Variants in GDNF observed in about 807,000 individuals in gnomAD.
The protein encoded by GDNF is glial cell derived neurotrophic factor, also known as glial cell line-derived neurotrophic factor.
Under a neutral mutation model 13.7 loss-of-function variants are expected in GDNF, and 5 were observed. That is an observed-to-expected ratio of 0.36 (90% CI 0.19 to 0.77). GDNF has a LOEUF of 0.77. GDNF is among the 30% of genes least tolerant of loss of function. The pLI, the probability that GDNF is intolerant of heterozygous loss-of-function variation, is 0.51. For missense variants in GDNF, 246 were observed against 274.3 expected, an observed-to-expected ratio of 0.90 and a Z score of 0.73; for synonymous variants, 122 against 112.5, an observed-to-expected ratio of 1.08 and a Z score of -0.53.
At chr5:37,828,836 A>G (rs1448189682) in intron 2 of GDNF, among the ~76,000 whole-genome samples, 1 of 152,238 alleles carries the variant, frequency 6.6e-6, no homozygotes, top group Non-Finnish European at 1.5e-5. Context: ...TTATTTGCAG[A>G]TATTCACTTA....
chr5:37,818,861 C>T (rs1359072608), intron 2 of GDNF, among the ~76,000 whole-genome samples: 1 of 152,166 alleles, frequency 6.6e-6, no homozygotes, highest in Non-Finnish European at 1.5e-5. Flanking sequence ...ATCCACAAGT[C>T]CCACCTGACC....
At chr5:37,832,234 T>C (rs1200361024) in intron 2 of GDNF, among the ~76,000 whole-genome samples, 4 of 152,362 alleles carry the variant, frequency 2.6e-5, no homozygotes, top group Middle Eastern at 6.8e-3. Flanking sequence ...GAATTTATGA[T>C]ACTTTCTATT....
At position 37,837,994 on chromosome 5, in the gene GDNF, GTTTTTTT is replaced by G. The variant is rs75624956; in HGVS notation, c.-27+1506_-27+1512del. 1.6e-5 allele frequency among the ~76,000 whole-genome samples: 2 copies of G among 125,500 alleles called. No homozygotes were observed. Among genetic ancestry groups the G allele is most frequent in the Admixed American group, 8.1e-5 (1 of 12,318 alleles). The allele number at this position is 125,500 out of a possible 152,430, so 82.3% of individuals were successfully genotyped here. A position where few individuals can be genotyped will look rare whatever the true frequency, so the allele number is the denominator to read the frequency against. ...GGGAGACGGGTTTGCTATAAACTCGGTTTTTTTTTTTTTTTTTTTGGCGGGGGGAGGT... is the reference window on the plus strand; with the variant it reads ...GGGAGACGGGTTTGCTATAAACTCGGTTTTTTTTTTTTGGCGGGGGGAGGT... On this transcript the variant is annotated intron_variant, in intron 1 of 2. Transcript: ENST00000326524. The surrounding 1 kb of genome is among the most constrained non-coding windows in gnomAD (Gnocchi z 6.5).
intron 2 of GDNF, among the ~76,000 whole-genome samples, chr5:37,821,097 C>T (rs949782552): frequency 2.0e-5 from 3 of 152,128 alleles, no homozygotes; most frequent in Admixed American, 6.5e-5. Flanking sequence ...TTTATCGATG[C>T]GAGGCACCTG....
At chr5:37,831,738 C>T (rs775789204) in intron 2 of GDNF, among the ~76,000 whole-genome samples, 1 of 152,234 alleles carries the variant, frequency 6.6e-6, no homozygotes, top group African/African-American at 2.4e-5. Flanking sequence ...CTCGAAAATG[C>T]TATGACATTT....
At chr5:37,829,428 T>C (rs1433848514) in intron 2 of GDNF, among the ~76,000 whole-genome samples, 1 of 152,214 alleles carries the variant, frequency 6.6e-6, no homozygotes, top group African/African-American at 2.4e-5. Context: ...GACATATCTA[T>C]CTGACTGACA....
rs1305116929 is a variant in GDNF at position 37,839,632 on chromosome 5, G to T, written c.-152C>A. The T allele has an allele frequency of 2.0e-5, 3 of 152,274 alleles. No individual in the cohort carries two copies. Among genetic ancestry groups the T allele is most frequent in the Admixed American group, 2.0e-4 (3 of 15,290 alleles). 9.4% of individuals were successfully genotyped at this position (152,274 alleles called of 1,614,324 possible). A position where few individuals can be genotyped will look rare whatever the true frequency, so the allele number is the denominator to read the frequency against. ...CCCGCCCAACAGGTCAGGGGCAAGA[G>T]TTCGCAATCCTGGGGTCGCGCGGGG... On this transcript the variant is annotated 5_prime_UTR_variant, in exon 1 of 3. Coordinates refer to ENST00000326524, the MANE Select transcript of GDNF (RefSeq NM_000514.4). The surrounding 1 kb of genome is among the most constrained non-coding windows in gnomAD (Gnocchi z 5.5).
In GDNF at chr5:37,839,582, C is replaced by T. The variant is rs574096655; in HGVS notation, c.-102G>A. ...CCAAGTCCCAGCCAGGAGACCCATC[C>T]GGGCTGATGGCTGGAGCGCGGAGCC... On this transcript the variant is annotated 5_prime_UTR_variant, in exon 1 of 3. Coordinates refer to ENST00000326524, the MANE Select transcript of GDNF (RefSeq NM_000514.4). The surrounding 1 kb of genome is among the most constrained non-coding windows in gnomAD (Gnocchi z 5.5). The T allele has an allele frequency of 2.0e-5, 3 of 152,460 alleles. No individual in the cohort carries two copies. The highest frequency in any genetic ancestry group is 1.3e-4 in the Admixed American group (2 of 15,308). 9.4% of individuals were successfully genotyped at this position (152,460 alleles called of 1,614,324 possible).
chr5:37,819,444 C>CTTTTTTTTTTTTTTTTTTTTTTTTTTT (rs529362873), intron 2 of GDNF, among the ~76,000 whole-genome samples: 1 of 126,208 alleles, frequency 7.9e-6, no homozygotes, highest in Non-Finnish European at 1.6e-5. Flanking sequence ...GTGCTCTTTT[C>CTTTTTTTTTTTTTTTTTTTTTTTTTTT]TTTTTTTTTT....
At chr5:37,827,791 T>C (rs1364184648) in intron 2 of GDNF, among the ~76,000 whole-genome samples, 1 of 152,158 alleles carries the variant, frequency 6.6e-6, no homozygotes, top group East Asian at 1.9e-4. Context: ...ATAAACTACA[T>C]AGGCAGGTGC....
chr5:37,837,966 G>A lies in GDNF; in HGVS notation c.-27+1541C>T, dbSNP rs1243735243. ...AGAGAGAGAAAAAGGAGGCGGTGGG[G>A]CGGGGAGACGGGTTTGCTATAAACT... On this transcript the variant is annotated intron_variant, in intron 1 of 2. Transcript: ENST00000326524. The surrounding 1 kb of genome is among the most constrained non-coding windows in gnomAD (Gnocchi z 6.5). Among the ~76,000 whole-genome samples, 1 of 151,924 alleles carries A rather than the reference G, an allele frequency of 6.6e-6. No individual in the cohort carries two copies. Among genetic ancestry groups the A allele is most frequent in the Non-Finnish European group, 1.5e-5 (1 of 68,022 alleles).
chr5:37,831,589 T>A (rs977813331), intron 2 of GDNF, among the ~76,000 whole-genome samples: 1 of 152,182 alleles, frequency 6.6e-6, no homozygotes, highest in Non-Finnish European at 1.5e-5. Context: ...CCCCTTCCCA[T>A]ATAAAGTACA....
At position 37,839,973 on chromosome 5, in the gene GDNF, C is replaced by A. The variant is rs1750841199; in HGVS notation, c.-493G>T. 1 of 152,426 alleles carries A rather than the reference C, an allele frequency of 6.6e-6. No homozygotes were observed. Among genetic ancestry groups the A allele is most frequent in the African/African-American group, 2.4e-5 (1 of 41,540 alleles). 9.4% of individuals were successfully genotyped at this position (152,426 alleles called of 1,614,324 possible). On this transcript the variant is annotated 5_prime_UTR_variant, in exon 1 of 3. Coordinates refer to ENST00000326524, the MANE Select transcript of GDNF (RefSeq NM_000514.4). This position sits in a 1 kb window ranked among gnomAD's most constrained non-coding sequence, Gnocchi z 5.5. ...GGAGCTGAGGTCTTGCCTGGAGATC[C>A]GAACGAGACACCACGTCAACCGGCG...
intron 2 of GDNF, among the ~76,000 whole-genome samples, chr5:37,827,957 C>CA (rs912877660): frequency 1.3e-5 from 2 of 152,152 alleles, no homozygotes; most frequent in South Asian, 4.1e-4. Context: ...GGTTTGCAGG[C>CA]AAAAAAATTG....
At chr5:37,821,638 T>C (rs988338612) in intron 2 of GDNF, among the ~76,000 whole-genome samples, 1 of 152,234 alleles carries the variant, frequency 6.6e-6, no homozygotes, top group Non-Finnish European at 1.5e-5. Context: ...GTGTTCTTTG[T>C]ATAAATAGTG....
intron 2 of GDNF, among the ~76,000 whole-genome samples, chr5:37,821,364 A>G (rs1463934086): frequency 6.6e-6 from 1 of 152,202 alleles, no homozygotes; most frequent in African/African-American, 2.4e-5. Flanking sequence ...GGCTTGGCAG[A>G]ATGTCAGATA....
At position 37,837,622 on chromosome 5, in the gene GDNF, C is replaced by A. The variant is rs1561138621; in HGVS notation, c.-27+1885G>T. Among the ~76,000 whole-genome samples, 1 of 152,226 alleles carries A rather than the reference C, an allele frequency of 6.6e-6. No individual in the cohort carries two copies. Among genetic ancestry groups the A allele is most frequent in the Non-Finnish European group, 1.5e-5 (1 of 68,038 alleles). The stretch of plus-strand genomic sequence containing the variant: ...CCACGCGGCCCGGAGGCTGTGTTAT[C>A]ATTTTAGTTATAAAACCGGAGAACC... On this transcript the variant is annotated intron_variant, in intron 1 of 2. Coordinates refer to ENST00000326524, the MANE Select transcript of GDNF (RefSeq NM_000514.4). The surrounding 1 kb of genome is among the most constrained non-coding windows in gnomAD (Gnocchi z 6.5).
At chr5:37,822,698 T>A (rs1362655347) in intron 2 of GDNF, among the ~76,000 whole-genome samples, 1 of 152,180 alleles carries the variant, frequency 6.6e-6, no homozygotes, top group Non-Finnish European at 1.5e-5. Context: ...AGGCCAAGTA[T>A]CTGAAAAATA....
At chr5:37,817,711 T>A (rs1001874722) in intron 2 of GDNF, among the ~76,000 whole-genome samples, 1 of 152,096 alleles carries the variant, frequency 6.6e-6, no homozygotes, top group Non-Finnish European at 1.5e-5. Context: ...ATCTGAAATT[T>A]AGCATTGGCA....
Sources: gnomAD v4.1 joint callset for allele counts (sites outside exome capture counted in the v4.1 genomes callset) on GRCh38, gnomAD v4.1.1 for gene constraint, Gnocchi (gnomAD v3.1) non-coding constraint, MANE v1.5 for transcripts, NCBI Gene and HGNC (gene_info 2026-07-23, HGNC 2026-07-21) for gene names.